Variants in TUT4 observed in about 807,000 individuals in gnomAD.
The protein encoded by TUT4 is terminal uridylyltransferase 4.
A neutral mutation model predicts 192.2 loss-of-function variants in TUT4; 36 were observed. That is an observed-to-expected ratio of 0.19 (90% CI 0.14 to 0.25). The LOEUF is 0.25. Among genes scored for constraint, TUT4 ranks in the 10% least tolerant of loss-of-function variants. The pLI is 1.00. For synonymous variants in TUT4, 618 were observed against 666.0 expected (o/e 0.93, Z 1.11); for missense variants, 1,493 against 1,957.2 (o/e 0.76, Z 4.47).
chr1:52,519,922 G>A (rs998156184), intron 2 of TUT4, among the ~76,000 whole-genome samples: 12 of 151,526 alleles, frequency 7.9e-5, no homozygotes, highest in Admixed American at 7.9e-4. Flanking sequence ...GGGAGGCTGA[G>A]GCAGGAGAAT....
intron 27 of TUT4, chr1:52,432,493 G>A (rs1652422325): frequency 6.6e-6 from 1 of 152,240 alleles, no homozygotes; most frequent in Non-Finnish European, 1.5e-5. Flanking sequence ...TGTCTTATAA[G>A]CCTTGTAATT....
At chr1:52,510,269 C>T (rs926591275) in intron 3 of TUT4, among the ~76,000 whole-genome samples, 2 of 143,476 alleles carry the variant, frequency 1.4e-5, no homozygotes, top group Non-Finnish European at 3.0e-5. Context: ...GAGCCGAGAT[C>T]GCATCACTGC....
At chr1:52,548,504 A>C (rs1302307216) in intron 1 of TUT4, among the ~76,000 whole-genome samples, 1 of 152,168 alleles carries the variant, frequency 6.6e-6, no homozygotes, top group African/African-American at 2.4e-5. Flanking sequence ...AGACTCAGAC[A>C]CTTTGAGTTC....
chr1:52,431,643 C>T (rs374200661), intron 27 of TUT4, 183 bp from the exon 28 acceptor site: 11 of 433,306 alleles, frequency 2.5e-5, no homozygotes, highest in Middle Eastern at 6.5e-4. Flanking sequence ...CCTCACAAAT[C>T]GTTTTATTGT....
intron 14 of TUT4, 33 bp from the exon 15 acceptor site, chr1:52,468,300 G>A (rs1664787568): frequency 6.8e-7 from 1 of 1,478,308 alleles, no homozygotes; most frequent in Admixed American, 2.3e-5. Flanking sequence ...AAAGGAAAAA[G>A]AAAAGTAAGG....
chr1:52,433,394 C>T (rs1315003629), intron 27 of TUT4: 1 of 151,896 alleles, frequency 6.6e-6, no homozygotes, highest in Non-Finnish European at 1.5e-5. Context: ...AACAACAGGA[C>T]TTAGTGACTG....
chr1:52,472,805 ACATATGTTTAAAAAACAC>A (rs992479124), intron 13 of TUT4, among the ~76,000 whole-genome samples: 14 of 152,082 alleles, frequency 9.2e-5, no homozygotes, highest in Admixed American at 2.0e-4. Context: ...AGAAAGAAAC[ACATATGTTTAAAAAACAC>A]CAATACTCTT....
intron 6 of TUT4, among the ~76,000 whole-genome samples, chr1:52,494,586 G>GGA (rs899232254): frequency 6.6e-6 from 1 of 152,172 alleles, no homozygotes; most frequent in African/African-American, 2.4e-5. Context: ...CAGCTACTCA[G>GGA]GAGGCTGAGA....
chr1:52,545,035 G>A (rs1318439246), intron 1 of TUT4, among the ~76,000 whole-genome samples: 1 of 145,384 alleles, frequency 6.9e-6, no homozygotes. Context: ...CCAGCCTAGG[G>A]GACAGAGTGA....
At chr1:52,464,991 C>A in intron 16 of TUT4, 79 bp downstream of exon 16, 1 of 1,079,820 alleles carries the variant, frequency 9.3e-7, no homozygotes, top group East Asian at 2.6e-5. Context: ...ACATTTTTAT[C>A]AATATCACAT....
intron 24 of TUT4, among the ~76,000 whole-genome samples, chr1:52,443,208 G>A (rs1378605816): frequency 2.0e-5 from 3 of 151,498 alleles, no homozygotes; most frequent in Non-Finnish European, 2.9e-5. Flanking sequence ...GCTTGAACCT[G>A]GGAGGCAGAG....
chr1:52,546,473 G>T (rs1312639108), intron 1 of TUT4, among the ~76,000 whole-genome samples: 1 of 152,152 alleles, frequency 6.6e-6, no homozygotes, highest in Non-Finnish European at 1.5e-5. Context: ...TTTATATGAG[G>T]TATTTAGAGT....
chr1:52,475,249 G>C lies in TUT4; in HGVS notation c.2310C>G (p.Asp770Glu). The change falls in exon 13 of 30, where the codon GAC becomes GAG. Residue 770 changes from aspartate (D) to glutamate (E), a missense_variant. This residue lies in a region of TUT4 where 245 missense variants were observed against 218.4 expected (regional missense o/e 1.12). Transcript: ENST00000257177. Reference sequence around the variant, plus strand: ...CAATAATACATCTCTGTGATGTACAGTCCATTTCATCACATTGAACAGGTT... The same window carrying C: ...CAATAATACATCTCTGTGATGTACACTCCATTTCATCACATTGAACAGGTT... ...REQPVQCDEM[D>E]CTSQRCIIDN... is the part of the protein sequence containing the mutation. The C allele has an allele frequency of 6.2e-7, 1 of 1,614,080 alleles. No individual in the cohort carries two copies. The highest frequency in any genetic ancestry group is 8.5e-7 in the Non-Finnish European group (1 of 1,180,014).
chr1:52,530,032 A>G (rs954774247), intron 1 of TUT4: 1 of 152,170 alleles, frequency 6.6e-6, no homozygotes, highest in African/African-American at 2.4e-5. Flanking sequence ...TTGTAGAGAC[A>G]GGATTTCGCT....
At chr1:52,527,222 G>A (rs143386852) in intron 1 of TUT4, among the ~76,000 whole-genome samples, 6 of 152,156 alleles carry the variant, frequency 3.9e-5, no homozygotes, top group South Asian at 2.1e-4. Flanking sequence ...AAGTAAAAAC[G>A]GGTTCAAATG....
chr1:52,501,288 G>A (rs1405935715), intron 4 of TUT4, among the ~76,000 whole-genome samples: 1 of 152,034 alleles, frequency 6.6e-6, no homozygotes, highest in African/African-American at 2.4e-5. Context: ...ATTCAAAAGT[G>A]AACAAAGGAT....
chr1:52,518,819 G>A (rs1271566212), intron 2 of TUT4, among the ~76,000 whole-genome samples: 11 of 152,174 alleles, frequency 7.2e-5, no homozygotes, highest in Admixed American at 3.3e-4. Context: ...AGTGGGGAAT[G>A]GGGAGTAACT....
chr1:52,532,862 A>G (rs1344058441), intron 1 of TUT4, among the ~76,000 whole-genome samples: 1 of 152,184 alleles, frequency 6.6e-6, no homozygotes, highest in Non-Finnish European at 1.5e-5. Context: ...TCTACATTTC[A>G]CAAACTTCTC....
At chr1:52,452,433 T>C (rs1031182462) in intron 20 of TUT4, among the ~76,000 whole-genome samples, 4 of 151,958 alleles carry the variant, frequency 2.6e-5, no homozygotes, top group Admixed American at 6.6e-5. Context: ...AAAATGGGGG[T>C]TGGTCACCAG....
Sources: allele counts gnomAD v4.1 joint callset (sites outside exome capture counted in the v4.1 genomes callset), GRCh38; gene constraint gnomAD v4.1.1; regional missense constraint gnomAD v4.1.1; transcripts MANE v1.5; gene names NCBI Gene and HGNC (gene_info 2026-07-23, HGNC 2026-07-21).